The following SNTG1 variants were observed in gnomAD, a reference collection of about 807,000 sequenced individuals.
SNTG1 encodes the protein syntrophin gamma 1, also known as gamma-1-syntrophin.
Under a neutral mutation model 74.7 loss-of-function variants are expected in SNTG1, and 39 were observed. That is an observed-to-expected ratio of 0.52 (90% confidence interval 0.40 to 0.68). The LOEUF (loss-of-function observed/expected upper bound fraction) is 0.68, where lower values mean the gene tolerates loss of function less well. Ranked by LOEUF, SNTG1 falls within the 30% of genes least tolerant of loss-of-function variation. The pLI is 0.00. For synonymous variants in SNTG1, 254 were observed against 217.1 expected (o/e 1.17, Z -1.49); for missense variants, 685 against 609.5 (o/e 1.12, Z -1.30).
intron 2 of SNTG1, among the ~76,000 whole-genome samples, chr8:50,350,227 C>G (rs559319403): frequency 2.0e-5 from 3 of 152,096 alleles, no homozygotes; most frequent in African/African-American, 7.2e-5. Context: ...CTGTGCAGCC[C>G]GAGCCTCCCT....
intron 1 of SNTG1, among the ~76,000 whole-genome samples, chr8:49,999,764 C>T (rs1041709254): frequency 6.6e-6 from 1 of 152,270 alleles, no homozygotes; most frequent in South Asian, 2.1e-4. Context: ...CGAGCCAGTG[C>T]TTCCTGTTTC....
At chr8:50,147,001 A>C (rs564740306) in intron 1 of SNTG1, among the ~76,000 whole-genome samples, 1 of 152,244 alleles carries the variant, frequency 6.6e-6, no homozygotes, top group South Asian at 2.1e-4. Flanking sequence ...TTCACAGAGC[A>C]AAAGTTTACA....
At chr8:49,971,569 C>G (rs1326137386) in intron 1 of SNTG1, among the ~76,000 whole-genome samples, 3 of 152,158 alleles carry the variant, frequency 2.0e-5, no homozygotes, top group Non-Finnish European at 4.4e-5. Context: ...AAGAGGAAGT[C>G]AAATTGTCCC....
chr8:50,282,125 C>A (rs2130442787), intron 2 of SNTG1, among the ~76,000 whole-genome samples: 1 of 152,182 alleles, frequency 6.6e-6, no homozygotes, highest in East Asian at 1.9e-4. Flanking sequence ...ATAAGATAAA[C>A]CCCTTCCCCA....
At chr8:50,325,265 C>G (rs547455874) in intron 2 of SNTG1, among the ~76,000 whole-genome samples, 16 of 151,692 alleles carry the variant, frequency 1.1e-4, no homozygotes, top group African/African-American at 3.9e-4. Context: ...ATATAACTCT[C>G]TAAGGCTTCT....
intron 2 of SNTG1, among the ~76,000 whole-genome samples, chr8:50,283,209 T>G (rs925353841): frequency 3.3e-5 from 5 of 152,202 alleles, no homozygotes; most frequent in African/African-American, 1.2e-4. Context: ...TTAATTTCTG[T>G]TGTGCTTAAT....
chr8:50,148,962 A>G (rs187760468), intron 1 of SNTG1, among the ~76,000 whole-genome samples: 1 of 152,312 alleles, frequency 6.6e-6, no homozygotes, highest in Admixed American at 6.5e-5. Context: ...TAGATCCCTG[A>G]GGAATCGCCA....
At chr8:50,653,116 A>AT (rs1028437519) in intron 13 of SNTG1, among the ~76,000 whole-genome samples, 1 of 151,450 alleles carries the variant, frequency 6.6e-6, no homozygotes, top group Non-Finnish European at 1.5e-5. Flanking sequence ...TTTTTATTTT[A>AT]TTTATTTATT....
intron 2 of SNTG1, among the ~76,000 whole-genome samples, chr8:50,192,314 G>C (rs1004842110): frequency 6.6e-6 from 1 of 152,102 alleles, no homozygotes; most frequent in Non-Finnish European, 1.5e-5. Flanking sequence ...AAATTTACTT[G>C]CTTTCTTTGG....
intron 2 of SNTG1, among the ~76,000 whole-genome samples, chr8:50,259,510 AAGAAAGAAAGAAAG>A (rs1367532943): frequency 1.5e-3 from 14 of 9,562 alleles, no homozygotes; most frequent in African/African-American, 1.7e-3. Context: ...AAAAAAAAAA[AAGAAAGAAAGAAAG>A]AAAGAAAGAA....
intron 15 of SNTG1, among the ~76,000 whole-genome samples, chr8:50,675,631 T>G (rs1478830874): frequency 3.9e-5 from 6 of 152,132 alleles, no homozygotes; most frequent in Non-Finnish European, 7.4e-5. Flanking sequence ...TCTGTGTCTT[T>G]TAATTGGGGC....
chr8:50,256,283 T>A (rs1335820530), intron 2 of SNTG1, among the ~76,000 whole-genome samples: 3 of 152,154 alleles, frequency 2.0e-5, no homozygotes, highest in Non-Finnish European at 4.4e-5. Flanking sequence ...AGGTACTATA[T>A]ATTGTTTTCT....
At chr8:49,971,588 G>T (rs1199205997) in intron 1 of SNTG1, among the ~76,000 whole-genome samples, 1 of 152,172 alleles carries the variant, frequency 6.6e-6, no homozygotes, top group Non-Finnish European at 1.5e-5. Context: ...CCTGTTTGCG[G>T]ATGAAATGAT....
At chr8:50,419,097 C>T (rs1416658354) in intron 4 of SNTG1, among the ~76,000 whole-genome samples, 3 of 152,022 alleles carry the variant, frequency 2.0e-5, no homozygotes, top group African/African-American at 7.2e-5. Context: ...GTCATAGAAC[C>T]ATGTTCTCTG....
At chr8:50,717,597 C>T (rs1452692140) in intron 17 of SNTG1, among the ~76,000 whole-genome samples, 3 of 152,206 alleles carry the variant, frequency 2.0e-5, no homozygotes, top group Non-Finnish European at 4.4e-5. Flanking sequence ...TCATCTATAA[C>T]TAGAATTTTA....
intron 1 of SNTG1, among the ~76,000 whole-genome samples, chr8:50,142,636 T>C (rs2081706403): frequency 6.6e-6 from 1 of 152,154 alleles, no homozygotes; most frequent in African/African-American, 2.4e-5. Context: ...TTAAAGAAGC[T>C]GATGGTAAAT....
At chr8:50,140,431 G>A (rs1008825466) in intron 1 of SNTG1, among the ~76,000 whole-genome samples, 20 of 151,974 alleles carry the variant, frequency 1.3e-4, no homozygotes, top group African/African-American at 4.1e-4. Context: ...GTGTATGTAC[G>A]GTGTGTATAT....
chr8:50,107,389 A>G (rs1347302989), intron 1 of SNTG1, among the ~76,000 whole-genome samples: 13 of 152,132 alleles, frequency 8.5e-5, no homozygotes, highest in Admixed American at 6.6e-4. Context: ...CACATGTATG[A>G]TATTTAAAGG....
At chr8:50,168,614 G>T (rs938488060) in intron 1 of SNTG1, among the ~76,000 whole-genome samples, 1 of 152,020 alleles carries the variant, frequency 6.6e-6, no homozygotes, top group Non-Finnish European at 1.5e-5. Context: ...AATACCAAAA[G>T]AATCTGTGAA....
Sources: gnomAD v4.1 joint callset for allele counts (sites outside exome capture counted in the v4.1 genomes callset) on GRCh38, gnomAD v4.1.1 for gene constraint, MANE v1.5 for transcripts, NCBI Gene and HGNC (gene_info 2026-07-23, HGNC 2026-07-21) for gene names.